The following MYO1D variants were observed in gnomAD, a reference collection of about 807,000 sequenced individuals.
MYO1D encodes the protein unconventional myosin-Id.
In MYO1D, 83 loss-of-function variants were observed where a neutral mutation model predicts 122.0. The observed-to-expected ratio is 0.68, with a 90% CI of 0.57 to 0.82. The LOEUF is 0.82. Ranked by LOEUF, MYO1D falls within the 40% of genes least tolerant of loss-of-function variation. MYO1D has a pLI of 0.00. For missense variants in MYO1D, 1,157 were observed against 1,269.5 expected, an observed-to-expected ratio of 0.91 and a Z score of 1.35; for synonymous variants, 464 against 446.9, an observed-to-expected ratio of 1.04 and a Z score of -0.48.
chr17:32,551,801 G>A (rs2087017822), intron 21 of MYO1D, among the ~76,000 whole-genome samples: 1 of 152,098 alleles, frequency 6.6e-6, no homozygotes, highest in Non-Finnish European at 1.5e-5. Flanking sequence ...TCTATATCTT[G>A]CTCACTTCCT....
At chr17:32,850,325 T>C (rs1459386754) in intron 1 of MYO1D, among the ~76,000 whole-genome samples, 1 of 152,194 alleles carries the variant, frequency 6.6e-6, no homozygotes, top group Non-Finnish European at 1.5e-5. Context: ...GTTTTAAAAA[T>C]AACAATTATC....
intron 21 of MYO1D, among the ~76,000 whole-genome samples, chr17:32,544,153 T>C (rs1910942405): frequency 6.6e-6 from 1 of 150,638 alleles, no homozygotes; most frequent in Non-Finnish European, 1.5e-5. Flanking sequence ...TGGAGTGCAG[T>C]GGCATGACCA....
intron 13 of MYO1D, among the ~76,000 whole-genome samples, chr17:32,741,080 T>C (rs1217574097): frequency 2.0e-5 from 3 of 151,792 alleles, no homozygotes; most frequent in African/African-American, 4.8e-5. Context: ...TATAATTATA[T>C]TGCTGGGTGT....
chr17:32,713,617 T>G (rs1466711032), intron 15 of MYO1D, among the ~76,000 whole-genome samples: 1 of 151,772 alleles, frequency 6.6e-6, no homozygotes, highest in African/African-American at 2.4e-5. Context: ...ATTTAGTGAG[T>G]TGGAACATTA....
rs1602886 is a variant in MYO1D, at chr17:32,649,034, T to C, written c.2595+4809A>G. Among the ~76,000 whole-genome samples, 638 of 152,316 alleles carry C rather than the reference T, an allele frequency of 4.2e-3. 5 individuals are homozygous for C. Among genetic ancestry groups the C allele is most frequent in the African/African-American group, 0.012 (489 of 41,572 alleles). ...ACTGACATTATATCACTTTATGGTA[T>C]AAAAACCATACGACAGTATATTTCC... On this transcript the variant is annotated intron_variant, in intron 19 of 21. Transcript: ENST00000318217.
At chr17:32,730,903 T>TC (rs2089630207) in intron 14 of MYO1D, among the ~76,000 whole-genome samples, 1 of 148,574 alleles carries the variant, frequency 6.7e-6, no homozygotes, top group African/African-American at 2.5e-5. Context: ...CTTCCACGTG[T>TC]CTTTTTTTTT....
At chr17:32,738,985 T>C (rs1420181374) in intron 13 of MYO1D, among the ~76,000 whole-genome samples, 2 of 152,216 alleles carry the variant, frequency 1.3e-5, no homozygotes, top group Non-Finnish European at 1.5e-5. Flanking sequence ...CAATATTTTA[T>C]TGATGTGACA....
intron 19 of MYO1D, among the ~76,000 whole-genome samples, chr17:32,645,158 T>C (rs1027406823): frequency 6.6e-6 from 1 of 152,238 alleles, no homozygotes; most frequent in African/African-American, 2.4e-5. Context: ...ATTTTATTTC[T>C]CCTTCACTTA....
intron 1 of MYO1D, among the ~76,000 whole-genome samples, chr17:32,844,253 TATA>T (rs1267630044): frequency 1.4e-5 from 2 of 146,854 alleles, no homozygotes; most frequent in African/African-American, 5.0e-5. Context: ...ATATATAATA[TATA>T]ATATGTATAT....
intron 20 of MYO1D, among the ~76,000 whole-genome samples, chr17:32,633,657 C>G (rs1301388924): frequency 1.3e-5 from 2 of 152,052 alleles, no homozygotes; most frequent in East Asian, 1.9e-4. Context: ...GTGAACCCCC[C>G]ACCAGATCAA....
chr17:32,545,722 G>A (rs1192415474), intron 21 of MYO1D, among the ~76,000 whole-genome samples: 1 of 151,320 alleles, frequency 6.6e-6, no homozygotes, highest in African/African-American at 2.4e-5. Flanking sequence ...AATTTTATAT[G>A]CAATTCGCCA....
Position 32,554,415 on chromosome 17 carries a change from T to C in MYO1D, c.2864+50672A>G, listed in dbSNP as rs1220707578. ...CCTCTGGAACCTTCTCCACACTTCT[T>C]CAGTTATCTTTGAAATACAGAAATC... On this transcript the variant is annotated intron_variant, in intron 21 of 21. Coordinates refer to ENST00000318217, the MANE Select transcript of MYO1D (RefSeq NM_015194.3). Among the ~76,000 whole-genome samples, 4 of 152,198 alleles carry C rather than the reference T, an allele frequency of 2.6e-5. 1 individual carries two copies. The highest frequency in any genetic ancestry group is 1.5e-5 in the Non-Finnish European group (1 of 68,038).
chr17:32,614,448 A>G (rs988850222), intron 20 of MYO1D, among the ~76,000 whole-genome samples: 4 of 152,172 alleles, frequency 2.6e-5, no homozygotes, highest in Non-Finnish European at 5.9e-5. Flanking sequence ...ATCTCAATTA[A>G]CAAATTGATT....
intron 16 of MYO1D, among the ~76,000 whole-genome samples, chr17:32,674,891 T>C (rs1324977660): frequency 6.6e-6 from 1 of 152,198 alleles, no homozygotes; most frequent in Non-Finnish European, 1.5e-5. Context: ...TTTAGAATGT[T>C]GCAGGGAAGG....
chr17:32,525,699 G>A (rs556769268), intron 21 of MYO1D, among the ~76,000 whole-genome samples: 20 of 152,260 alleles, frequency 1.3e-4, no homozygotes, highest in African/African-American at 4.6e-4. Flanking sequence ...GAGAGACACT[G>A]CAGCGGCCCT....
intron 20 of MYO1D, among the ~76,000 whole-genome samples, chr17:32,607,416 T>C (rs879411629): frequency 5.9e-5 from 9 of 152,028 alleles, no homozygotes; most frequent in Admixed American, 3.3e-4. Context: ...AATACTTAGA[T>C]ATAAATCTAA....
chr17:32,759,415 T>C (rs62070164), intron 10 of MYO1D, among the ~76,000 whole-genome samples: 21,952 of 152,078 alleles, frequency 0.14, 2,032 homozygotes, highest in Middle Eastern at 0.29. Flanking sequence ...ATATAGTATT[T>C]CAAATATTTT....
intron 1 of MYO1D, among the ~76,000 whole-genome samples, chr17:32,784,059 C>T (rs1460150403): frequency 1.3e-5 from 2 of 152,152 alleles, no homozygotes; most frequent in East Asian, 1.9e-4. Context: ...GTAATAAAAG[C>T]ATGTACTGTA....
chr17:32,782,816 T>C (rs529880655), intron 1 of MYO1D, among the ~76,000 whole-genome samples: 1 of 152,100 alleles, frequency 6.6e-6, no homozygotes, highest in East Asian at 1.9e-4. Flanking sequence ...ACACTTATAA[T>C]CCTAGCTACT....
Sources: gnomAD v4.1 joint callset for allele counts (sites outside exome capture counted in the v4.1 genomes callset) on GRCh38, gnomAD v4.1.1 for gene constraint, MANE v1.5 for transcripts, NCBI Gene and HGNC (gene_info 2026-07-23, HGNC 2026-07-21) for gene names.